The following TTC28 variants were observed in gnomAD, a reference collection of about 807,000 sequenced individuals.
TTC28 encodes tetratricopeptide repeat protein 28.
In TTC28, 61 loss-of-function variants were observed where a neutral mutation model predicts 198.0. The ratio of observed to expected loss-of-function variants is 0.31; its 90% CI spans 0.25 to 0.38. TTC28 has a LOEUF of 0.38. TTC28 is among the 10% of genes least tolerant of loss of function. The probability of loss-of-function intolerance (pLI) is 1.00; values close to 1 mark genes in which losing one functional copy is unlikely to be tolerated. For missense variants in TTC28, 2,678 were observed against 3,164.0 expected, an observed-to-expected ratio of 0.85 and a Z score of 3.69; for synonymous variants, 1,171 against 1,297.8, an observed-to-expected ratio of 0.90 and a Z score of 2.10.
rs1296373725 is a variant in TTC28 at position 28,553,627 on chromosome 22, C to A, written c.381+75925G>T. ...CTGGGAAGTGAGGAGCGTCTCCGCC[C>A]GGCAGCCACCCCATCCGGGAGGGAG... On this transcript the variant is annotated intron_variant, in intron 2 of 22. Coordinates refer to ENST00000397906, the MANE Select transcript of TTC28 (RefSeq NM_001145418.2). 2.0e-5 allele frequency among the ~76,000 whole-genome samples: 3 copies of A among 151,952 alleles called. No individual in the cohort carries two copies. In the South Asian group the frequency reaches 6.2e-4, roughly 32 times the overall value.
intron 2 of TTC28, among the ~76,000 whole-genome samples, chr22:28,628,089 A>G (rs1193028371): frequency 6.6e-6 from 1 of 151,796 alleles, no homozygotes; most frequent in African/African-American, 2.4e-5. Context: ...TATTTTTTGT[A>G]GAGACTATGT....
At chr22:28,491,893 A>C (rs1366016357) in intron 2 of TTC28, among the ~76,000 whole-genome samples, 2 of 152,220 alleles carry the variant, frequency 1.3e-5, no homozygotes, top group Non-Finnish European at 2.9e-5. Flanking sequence ...GGATTAAGAA[A>C]ATGTGGCACA....
At position 28,446,726 on chromosome 22, in the gene TTC28, C is replaced by T. The variant is rs141724199; in HGVS notation, c.382-140083G>A. On this transcript the variant is annotated intron_variant, in intron 2 of 22. Transcript: ENST00000397906. ...ACCATAAGCCAATTAAACCTCTTTT[C>T]TTTATAAATTACCCAGTCTCAGGTA... 3.4e-4 allele frequency among the ~76,000 whole-genome samples: 51 copies of T among 152,228 alleles called. No homozygotes were observed. In the East Asian group the frequency reaches 7.5e-3, roughly 22 times the overall value.
chr22:28,597,060 T>C (rs1270142056), intron 2 of TTC28, among the ~76,000 whole-genome samples: 1 of 152,178 alleles, frequency 6.6e-6, no homozygotes, highest in Non-Finnish European at 1.5e-5. Flanking sequence ...AAGATTCAGT[T>C]AAATTTAATC....
chr22:28,320,587 T>G (rs2045430498), intron 2 of TTC28, among the ~76,000 whole-genome samples: 1 of 152,226 alleles, frequency 6.6e-6, no homozygotes, highest in Admixed American at 6.5e-5. Context: ...CTCATAAACC[T>G]GTCACCTTAA....
At chr22:28,414,127 A>G (rs2047131171) in intron 2 of TTC28, among the ~76,000 whole-genome samples, 1 of 152,206 alleles carries the variant, frequency 6.6e-6, no homozygotes, top group Non-Finnish European at 1.5e-5. Flanking sequence ...CACATTTGAA[A>G]TAAGTCTTCA....
intron 5 of TTC28, among the ~76,000 whole-genome samples, chr22:28,244,221 C>T (rs537475703): frequency 9.9e-5 from 15 of 151,916 alleles, no homozygotes; most frequent in Non-Finnish European, 2.2e-4. Context: ...AGGGGAGTGA[C>T]AGAATGAATT....
intron 2 of TTC28, among the ~76,000 whole-genome samples, chr22:28,538,813 C>T (rs1330694930): frequency 1.3e-5 from 2 of 152,214 alleles, no homozygotes; most frequent in East Asian, 1.9e-4. Context: ...CCACCTGCCT[C>T]GGCCTCCCAA....
chr22:28,372,031 T>C (rs940048780), intron 2 of TTC28, among the ~76,000 whole-genome samples: 1 of 152,036 alleles, frequency 6.6e-6, no homozygotes, highest in South Asian at 2.1e-4. Context: ...CAGGCTGCAG[T>C]GTGCTGTGAT....
intron 12 of TTC28, among the ~76,000 whole-genome samples, chr22:28,036,387 T>A (rs1043841764): frequency 1.3e-5 from 2 of 152,122 alleles, no homozygotes; most frequent in African/African-American, 4.8e-5. Flanking sequence ...GACAACTACA[T>A]GGAAACTGAA....
intron 2 of TTC28, among the ~76,000 whole-genome samples, chr22:28,386,907 T>G (rs1433125948): frequency 6.6e-6 from 1 of 152,182 alleles, no homozygotes; most frequent in East Asian, 1.9e-4. Context: ...GTTTGTTACA[T>G]ATGCATACAT....
chr22:28,556,715 G>A (rs373965504), intron 2 of TTC28, among the ~76,000 whole-genome samples: 1 of 152,234 alleles, frequency 6.6e-6, no homozygotes, highest in East Asian at 1.9e-4. Flanking sequence ...GATTCTGGCT[G>A]AAGGTATTTT....
At chr22:28,092,913 A>C (rs948167922) in intron 12 of TTC28, among the ~76,000 whole-genome samples, 4 of 152,214 alleles carry the variant, frequency 2.6e-5, no homozygotes, top group Admixed American at 2.6e-4. Flanking sequence ...TAAAAACAGA[A>C]GCTAGAAATG....
intron 5 of TTC28, among the ~76,000 whole-genome samples, chr22:28,168,516 C>T (rs1351159334): frequency 6.6e-6 from 1 of 151,962 alleles, no homozygotes; most frequent in South Asian, 2.1e-4. Flanking sequence ...GAAATAATGC[C>T]GCATATCTAC....
rs576770766 is a variant in TTC28, at chr22:28,659,717, G to A, written c.102+19905C>T. 3.0e-3 allele frequency among the ~76,000 whole-genome samples: 453 copies of A among 152,090 alleles called. 1 individual carries two copies. The highest frequency in any genetic ancestry group is 4.2e-3 in the Non-Finnish European group (287 of 67,974). ...TCCGAGGCTGGGGTGAGCTATAAGA[G>A]CACCAATGAACTCCAGCCTGGGTGA... On this transcript the variant is annotated intron_variant, in intron 1 of 22. Coordinates refer to ENST00000397906, the MANE Select transcript of TTC28 (RefSeq NM_001145418.2).
chr22:28,080,565 A>T (rs1941310978), intron 12 of TTC28, among the ~76,000 whole-genome samples: 1 of 146,548 alleles, frequency 6.8e-6, no homozygotes, highest in African/African-American at 2.5e-5. Context: ...GTTAAGTTGT[A>T]GGAGTTTTTA....
intron 2 of TTC28, among the ~76,000 whole-genome samples, chr22:28,433,367 C>T (rs1362279295): frequency 6.6e-6 from 1 of 152,088 alleles, no homozygotes; most frequent in Non-Finnish European, 1.5e-5. Context: ...GTGGATACGG[C>T]CCTCCCCCTT....
At chr22:28,089,718 G>A (rs1374003493) in intron 12 of TTC28, among the ~76,000 whole-genome samples, 1 of 146,994 alleles carries the variant, frequency 6.8e-6, no homozygotes, top group Non-Finnish European at 1.5e-5. Flanking sequence ...AAAAAATAAA[G>A]GTTTTCAAAT....
intron 2 of TTC28, among the ~76,000 whole-genome samples, chr22:28,536,709 G>T (rs749368039): frequency 6.6e-6 from 1 of 152,174 alleles, no homozygotes; most frequent in Non-Finnish European, 1.5e-5. Context: ...AAGACTGAAT[G>T]CCATGAAGGT....
Sources: allele counts gnomAD v4.1 joint callset (sites outside exome capture counted in the v4.1 genomes callset), GRCh38; gene constraint gnomAD v4.1.1; transcripts MANE v1.5; gene names NCBI Gene and HGNC (gene_info 2026-07-23, HGNC 2026-07-21).